Variants in RB1 observed in about 807,000 individuals in gnomAD.
RB1 encodes RB transcriptional corepressor 1.
A neutral mutation model predicts 135.4 loss-of-function variants in RB1; 18 were observed. The observed-to-expected ratio is 0.13, with a 90% CI of 0.09 to 0.20. The LOEUF (loss-of-function observed/expected upper bound fraction) is 0.20, where lower values mean the gene tolerates loss of function less well. RB1 is among the 10% of genes least tolerant of loss of function. The pLI is 1.00. For missense variants in RB1, 868 were observed against 1,110.0 expected, an observed-to-expected ratio of 0.78 and a Z score of 3.10; for synonymous variants, 365 against 373.2, an observed-to-expected ratio of 0.98 and a Z score of 0.25.
chr13:48,393,789 G>A (rs186131356), intron 17 of RB1, among the ~76,000 whole-genome samples: 95 of 152,210 alleles, frequency 6.2e-4, no homozygotes, highest in African/African-American at 2.0e-3. Flanking sequence ...ATTTTGGTAC[G>A]TCACATAAAC....
chr13:48,328,781 G>A (rs1218206049), intron 2 of RB1, among the ~76,000 whole-genome samples: 1 of 152,124 alleles, frequency 6.6e-6, no homozygotes, highest in African/African-American at 2.4e-5. Context: ...TCTCTCATAG[G>A]ATTCAAATCA....
chr13:48,402,726 T>C (rs1474034334), intron 17 of RB1, among the ~76,000 whole-genome samples: 3 of 152,118 alleles, frequency 2.0e-5, no homozygotes, highest in Non-Finnish European at 2.9e-5. Flanking sequence ...TAAATGCAGG[T>C]CCATTTTTTC....
At chr13:48,452,791 C>CT (rs1203297395) in intron 17 of RB1, among the ~76,000 whole-genome samples, 2 of 151,930 alleles carry the variant, frequency 1.3e-5, no homozygotes, top group Non-Finnish European at 2.9e-5. Flanking sequence ...CATTTTTCTA[C>CT]TTTTTTGTGT....
In RB1 at chr13:48,308,748, T is replaced by C. The variant is rs541738938; in HGVS notation, c.264+1342T>C. 4.6e-5 allele frequency among the ~76,000 whole-genome samples: 7 copies of C among 152,284 alleles called. No individual in the cohort carries two copies. In the South Asian group the frequency reaches 1.5e-3, roughly 32 times the overall value. ...GAAATATAAAATCTTTTTTTATGTG[T>C]AAAATGTGAAATGTTCATTTAACAG... On this transcript the variant is annotated intron_variant, in intron 2 of 26. Transcript: ENST00000267163.
intron 6 of RB1, among the ~76,000 whole-genome samples, chr13:48,352,378 T>A (rs1952555951): frequency 6.6e-6 from 1 of 152,120 alleles, no homozygotes; most frequent in Admixed American, 6.6e-5. Context: ...GTTTTTTTTT[T>A]TTTATTTCTG....
In RB1 at chr13:48,340,795, A is replaced by G; in HGVS notation, c.265-1804A>G. On this transcript the variant is annotated intron_variant, in intron 2 of 26. Transcript: ENST00000267163. Reference sequence around the variant, plus strand: ...ATATTAACATAAACACAAATACAGAAGTTGATTTTTGTTCATTTTATTAAA... The same window carrying G: ...ATATTAACATAAACACAAATACAGAGGTTGATTTTTGTTCATTTTATTAAA... The G allele has an allele frequency of 1.3e-5, 2 of 158,386 alleles. 1 individual carries two copies. The highest frequency in any genetic ancestry group is 3.1e-4 in the East Asian group (2 of 6,362). 9.8% of individuals were successfully genotyped at this position (158,386 alleles called of 1,614,324 possible).
chr13:48,406,927 C>G (rs575751649), intron 17 of RB1, among the ~76,000 whole-genome samples: 1 of 152,236 alleles, frequency 6.6e-6, no homozygotes, highest in African/African-American at 2.4e-5. Flanking sequence ...GGTTCTTACC[C>G]TGGCGCTACA....
Position 48,368,498 on chromosome 13 carries a change from T to C in RB1, c.1050-29T>C, listed in dbSNP as rs1018296035. On this transcript the variant is annotated intron_variant, in intron 10 of 26. Transcript: ENST00000267163. ...AAGCACAAATTGTAAATTTTCAGTATGTGAATGACTTCACTTATTGTTATT... is the reference window on the plus strand; with the variant it reads ...AAGCACAAATTGTAAATTTTCAGTACGTGAATGACTTCACTTATTGTTATT... 3.1e-6 allele frequency: 5 copies of C among 1,612,054 alleles called. No homozygotes were observed. In the African/African-American group the frequency reaches 5.3e-5, roughly 17 times the overall value.
At chr13:48,475,839 G>T (rs1403250720) in intron 24 of RB1, among the ~76,000 whole-genome samples, 1 of 152,160 alleles carries the variant, frequency 6.6e-6, no homozygotes, top group African/African-American at 2.4e-5. Flanking sequence ...TTCACGATGG[G>T]CTCAGCTGTC....
rs4151534 is a variant in RB1, at chr13:48,377,008, C to A, written c.1306C>A (p.Gln436Lys). The change falls in exon 13 of 27, where the codon CAG (glutamine) becomes AAG (lysine). Residue 436 changes from glutamine to lysine, a missense_variant. Transcript: ENST00000267163. ...FKEKFAKAVGQGCVEIGSQRY... is the reference protein window; with the variant it reads ...FKEKFAKAVGKGCVEIGSQRY... ...AGAGAAATTTGCTAAAGCTGTGGGA[C>A]AGGGTTGTGTCGAAATTGGATCACA... is the stretch of plus-strand genomic sequence containing the variant. 231 of 1,613,630 alleles carry A rather than the reference C, an allele frequency of 1.4e-4. 2 individuals carry two copies. In the Admixed American group the frequency reaches 3.8e-3, roughly 26 times the overall value.
At position 48,381,415 on chromosome 13, in the gene RB1, G is replaced by T. The variant is rs773116120; in HGVS notation, c.1667G>T (p.Arg556Leu). 3 of 1,613,566 alleles carry T rather than the reference G, an allele frequency of 1.9e-6. No individual in the cohort carries two copies. Among genetic ancestry groups the T allele is most frequent in the Non-Finnish European group, 2.5e-6 (3 of 1,179,778 alleles). ...MIKHLERCEHRIMESLAWLSD... is the reference protein window; with the variant it reads ...MIKHLERCEHLIMESLAWLSD... Reference sequence around the variant, plus strand: ...AAACATTTAGAACGATGTGAACATCGAATCATGGAATCCCTTGCATGGCTC... The same window carrying T: ...AAACATTTAGAACGATGTGAACATCTAATCATGGAATCCCTTGCATGGCTC... Residue 556 changes from arginine (R) to leucine (L), a missense_variant, in exon 17 of 27, where the codon CGA becomes CTA. This residue lies in a region of RB1 where 641 missense variants were observed against 791.3 expected (regional missense o/e 0.81). Coordinates refer to ENST00000267163, the MANE Select transcript of RB1 (RefSeq NM_000321.3).
In RB1 at chr13:48,391,620, A is replaced by AT. The variant is rs1284387748; in HGVS notation, c.1695+10187dup. ...TATAAAACAAACAAAAAGCATTTCTATTTTTTTTTTCTTTTTGAGATGGAG... is the reference window on the plus strand; with the variant it reads ...TATAAAACAAACAAAAAGCATTTCTATTTTTTTTTTTCTTTTTGAGATGGAG... On this transcript the variant is annotated intron_variant, in intron 17 of 26. Coordinates refer to ENST00000267163, the MANE Select transcript of RB1 (RefSeq NM_000321.3). The AT allele has an allele frequency of 5.2e-3, 774 of 149,066 alleles. 3 individuals carry two copies. The highest frequency in any genetic ancestry group is 0.018 in the African/African-American group (712 of 40,624). 9.2% of individuals were successfully genotyped at this position (149,066 alleles called of 1,614,324 possible).
At chr13:48,477,730 A>T (rs1949512983) in intron 26 of RB1, among the ~76,000 whole-genome samples, 1 of 152,186 alleles carries the variant, frequency 6.6e-6, no homozygotes, top group African/African-American at 2.4e-5. Flanking sequence ...GGAGTGTTAG[A>T]TATAGGGAAA....
At chr13:48,425,275 T>C (rs1949063539) in intron 17 of RB1, among the ~76,000 whole-genome samples, 1 of 152,236 alleles carries the variant, frequency 6.6e-6, no homozygotes, top group Non-Finnish European at 1.5e-5. Context: ...CCCATTAATA[T>C]AGTCATGCTG....
intron 17 of RB1, among the ~76,000 whole-genome samples, chr13:48,433,241 G>A (rs1049523699): frequency 6.6e-6 from 1 of 151,690 alleles, no homozygotes; most frequent in African/African-American, 2.4e-5. Flanking sequence ...AGATACATAT[G>A]TACTTTTCTA....
chr13:48,361,548 A>G (rs1014651488), intron 7 of RB1, among the ~76,000 whole-genome samples: 1 of 152,198 alleles, frequency 6.6e-6, no homozygotes, highest in Admixed American at 6.5e-5. Context: ...ATACTTTTTA[A>G]AAAGCATAAT....
At chr13:48,318,689 G>A in intron 2 of RB1, 1 of 617,464 alleles carries the variant, frequency 1.6e-6, no homozygotes. Flanking sequence ...TCATGGCATG[G>A]CCGCCGCCTC....
intron 17 of RB1, among the ~76,000 whole-genome samples, chr13:48,418,213 T>TG (rs1170505632): frequency 1.3e-5 from 2 of 150,320 alleles, no homozygotes; most frequent in African/African-American, 2.4e-5. Context: ...CAGAAAAGAG[T>TG]GGGGGCCAAT....
chr13:48,318,224 C>A, intron 2 of RB1: 1 of 647,548 alleles, frequency 1.5e-6, no homozygotes, highest in Non-Finnish European at 2.6e-6. Flanking sequence ...CTCTCTTGGA[C>A]TTGGAGAGTC....
Sources: allele counts gnomAD v4.1 joint callset (sites outside exome capture counted in the v4.1 genomes callset), GRCh38; gene constraint gnomAD v4.1.1; regional missense constraint gnomAD v4.1.1; transcripts MANE v1.5; gene names NCBI Gene and HGNC (gene_info 2026-07-23, HGNC 2026-07-21).